TRPS1: variants seen among roughly 807,000 people sequenced by gnomAD.
TRPS1 encodes the protein zinc finger transcription factor Trps1.
Under a neutral mutation model 101.2 loss-of-function variants are expected in TRPS1, and 6 were observed. The ratio of observed to expected loss-of-function variants is 0.06; its 90% CI spans 0.03 to 0.12. The LOEUF (loss-of-function observed/expected upper bound fraction) is 0.12, where lower values mean the gene tolerates loss of function less well. Ranked by LOEUF, TRPS1 falls within the 10% of genes least tolerant of loss-of-function variation. TRPS1 has a pLI of 1.00. For synonymous variants in TRPS1, 578 were observed against 589.8 expected (o/e 0.98, Z 0.29); for missense variants, 1,363 against 1,567.0 (o/e 0.87, Z 2.20).
Position 115,449,627 on chromosome 8 carries a change from C to T in TRPS1, c.2701-31175G>A, listed in dbSNP as rs146960525. ...CAGCTAGCTAGAGGTCTGTTGGCCC[C>T]ACACCAAAATTTCATGATTTCTTCT... On this transcript the variant is annotated intron_variant, in intron 5 of 6. Transcript: ENST00000395715. Among the ~76,000 whole-genome samples the T allele has an allele frequency of 2.0e-4, 30 of 152,310 alleles. No individual in the cohort carries two copies. In the East Asian group the frequency reaches 5.6e-3, roughly 28 times the overall value.
chr8:115,570,358 G>A (rs1287586491), intron 5 of TRPS1, among the ~76,000 whole-genome samples: 1 of 151,862 alleles, frequency 6.6e-6, no homozygotes, highest in Admixed American at 6.6e-5. Flanking sequence ...ATTTACACAG[G>A]CGGTACGGCA....
chr8:115,631,199 A>G (rs1406775506), intron 1 of TRPS1, among the ~76,000 whole-genome samples: 1 of 152,062 alleles, frequency 6.6e-6, no homozygotes, highest in East Asian at 1.9e-4. Flanking sequence ...CACCTTGTGC[A>G]TATCTTCTCT....
intron 5 of TRPS1, among the ~76,000 whole-genome samples, chr8:115,420,988 CTTTT>C (rs145159726): frequency 1.4e-5 from 2 of 138,406 alleles, no homozygotes; most frequent in Non-Finnish European, 1.6e-5. Flanking sequence ...TACTGTGATT[CTTTT>C]TTTTTTTTTT....
At chr8:115,454,581 A>T (rs544512456) in intron 5 of TRPS1, among the ~76,000 whole-genome samples, 1 of 152,304 alleles carries the variant, frequency 6.6e-6, no homozygotes, top group South Asian at 2.1e-4. Flanking sequence ...CAGTGATATT[A>T]TTATCACTAT....
Position 115,607,776 on chromosome 8 carries a change from A to T in TRPS1, c.967-2774T>A, listed in dbSNP as rs145488070. Among the ~76,000 whole-genome samples, 575 of 152,214 alleles carry T rather than the reference A, an allele frequency of 3.8e-3. 1 individual carries two copies. Among genetic ancestry groups the T allele is most frequent in the African/African-American group, 0.013 (551 of 41,570 alleles). On this transcript the variant is annotated intron_variant, in intron 3 of 6. Coordinates refer to ENST00000395715, the MANE Select transcript of TRPS1 (RefSeq NM_014112.5). ...TTTTTATTTCAAAAAGAACACCTAA[A>T]AGCTCTATTTGTGGCAATTTTTATA...
intron 5 of TRPS1, among the ~76,000 whole-genome samples, chr8:115,420,028 G>C (rs939776285): frequency 5.9e-5 from 9 of 152,192 alleles, no homozygotes; most frequent in African/African-American, 1.9e-4. Context: ...TGAGCACAAA[G>C]TCAGGCTAAC....
intron 5 of TRPS1, among the ~76,000 whole-genome samples, chr8:115,425,098 C>CTCT (rs1427138698): frequency 2.0e-5 from 3 of 152,172 alleles, no homozygotes; most frequent in Non-Finnish European, 4.4e-5. Flanking sequence ...AATAGCCAGA[C>CTCT]TCTTACCAGG....
chr8:115,595,165 G>A (rs992021747), intron 4 of TRPS1, among the ~76,000 whole-genome samples: 2 of 151,900 alleles, frequency 1.3e-5, no homozygotes, highest in African/African-American at 4.8e-5. Flanking sequence ...GGAAAAGGGA[G>A]GTGATTCAAA....
chr8:115,560,750 C>T (rs1165162144), intron 5 of TRPS1, among the ~76,000 whole-genome samples: 1 of 152,092 alleles, frequency 6.6e-6, no homozygotes, highest in African/African-American at 2.4e-5. Context: ...TGCTACCTGG[C>T]AGACACCATG....
At chr8:115,664,624 T>C (rs1026906570) in intron 1 of TRPS1, among the ~76,000 whole-genome samples, 4 of 152,176 alleles carry the variant, frequency 2.6e-5, no homozygotes, top group Admixed American at 2.6e-4. Context: ...GCAGTTATCA[T>C]CAGCAAAAGA....
chr8:115,515,635 A>G (rs1025898991), intron 5 of TRPS1, among the ~76,000 whole-genome samples: 3 of 151,534 alleles, frequency 2.0e-5, no homozygotes, highest in Non-Finnish European at 4.4e-5. Context: ...CTCTTATAAT[A>G]CTTAGTAATA....
At chr8:115,620,194 AAC>A (rs1345930077) in intron 2 of TRPS1, 134 bp from the exon 3 acceptor site, 56 of 661,042 alleles carry the variant, frequency 8.5e-5, no homozygotes, top group African/African-American at 4.8e-4. Flanking sequence ...AAAAAAAAAA[AAC>A]CCATTCTAAA....
At chr8:115,642,933 TCA>T (rs1219777740) in intron 1 of TRPS1, among the ~76,000 whole-genome samples, 1 of 151,066 alleles carries the variant, frequency 6.6e-6, no homozygotes, top group East Asian at 1.9e-4. Context: ...TACTACAGAT[TCA>T]GTTTGAGACT....
chr8:115,463,945 T>C (rs1370406638), intron 5 of TRPS1, among the ~76,000 whole-genome samples: 1 of 151,952 alleles, frequency 6.6e-6, no homozygotes, highest in Non-Finnish European at 1.5e-5. Context: ...ACATCCATCT[T>C]CCTACAAAGT....
chr8:115,645,433 T>C (rs1819003128), intron 1 of TRPS1, among the ~76,000 whole-genome samples: 1 of 152,152 alleles, frequency 6.6e-6, no homozygotes, highest in South Asian at 2.1e-4. Flanking sequence ...ATATTCCACA[T>C]AATCAAAATA....
chr8:115,623,645 T>A lies in TRPS1; in HGVS notation c.-8A>T, dbSNP rs202174546. 9 of 1,611,408 alleles carry A rather than the reference T, an allele frequency of 5.6e-6. No homozygotes were observed. The highest frequency in any genetic ancestry group is 2.2e-5 in the East Asian group (1 of 44,762). ...ATTGACTTCATAAGGCATGTGGCTT[T>A]AGAGTGCTTTTTACAATTATTAATT... On this transcript the variant is annotated 5_prime_UTR_variant, in exon 2 of 7. Transcript: ENST00000395715.
At chr8:115,522,277 G>T (rs1221202755) in intron 5 of TRPS1, among the ~76,000 whole-genome samples, 1 of 151,838 alleles carries the variant, frequency 6.6e-6, no homozygotes, top group Non-Finnish European at 1.5e-5. Context: ...TTGTGTGATG[G>T]CATTTATGAG....
chr8:115,619,692 C>G lies in TRPS1; in HGVS notation c.406G>C (p.Glu136Gln). The G allele has an allele frequency of 6.2e-7, 1 of 1,614,164 alleles. No homozygotes were observed. The highest frequency in any genetic ancestry group is 8.5e-7 in the Non-Finnish European group (1 of 1,180,030). Residue 136 changes from glutamate to glutamine, a missense_variant, in exon 3 of 7, where the codon GAG becomes CAG. Transcript: ENST00000395715. ...FSSPAAGGVCEPLKSPQRAEA... is the reference protein window; with the variant it reads ...FSSPAAGGVCQPLKSPQRAEA... The stretch of plus-strand genomic sequence containing the variant: ...GCTCTTTGCGGAGACTTCAAGGGCT[C>G]ACAGACTCCCCCAGCAGCTGGAGAT...
intron 1 of TRPS1, among the ~76,000 whole-genome samples, chr8:115,637,571 C>T (rs1316439636): frequency 6.6e-6 from 1 of 152,114 alleles, no homozygotes; most frequent in Non-Finnish European, 1.5e-5. Flanking sequence ...AATTTATGTG[C>T]TATGATCATC....
Sources: gnomAD v4.1 joint callset for allele counts (sites outside exome capture counted in the v4.1 genomes callset) on GRCh38, gnomAD v4.1.1 for gene constraint, MANE v1.5 for transcripts, NCBI Gene and HGNC (gene_info 2026-07-23, HGNC 2026-07-21) for gene names.